The following AMY2B variants were observed in gnomAD, a reference collection of about 807,000 sequenced individuals.
AMY2B encodes the protein alpha-amylase 2B.
In AMY2B, 63 loss-of-function variants were observed where a neutral mutation model predicts 59.3. The observed-to-expected ratio is 1.06, with a 90% CI of 0.87 to 1.31. The LOEUF is 1.31. Ranked by LOEUF, AMY2B falls within the 50% of genes most tolerant of loss-of-function variation. The probability of loss-of-function intolerance (pLI) is 0.00; values close to 1 mark genes in which losing one functional copy is unlikely to be tolerated. For missense variants in AMY2B, 635 were observed against 626.7 expected (o/e 1.01, Z -0.14); for synonymous variants, 180 against 198.1 (o/e 0.91, Z 0.77).
chr1:103,565,777 C>G (rs1482983487), intron 2 of AMY2B, among the ~76,000 whole-genome samples: 1 of 152,120 alleles, frequency 6.6e-6, no homozygotes, highest in African/African-American at 2.4e-5. Flanking sequence ...TGGGAAGTGT[C>G]ATTCATTGGA....
intron 5 of AMY2B, 31 bp downstream of exon 5, chr1:103,574,424 T>G (rs199872830): frequency 6.2e-7 from 1 of 1,609,610 alleles, no homozygotes; most frequent in Non-Finnish European, 8.5e-7. Context: ...CCCTGAAGTA[T>G]TTCATAGATT....
At chr1:103,565,044 A>T (rs368974348) in intron 1 of AMY2B, 1 of 152,052 alleles carries the variant, frequency 6.6e-6, no homozygotes, top group Non-Finnish European at 1.5e-5. Flanking sequence ...CAAGTCTGTT[A>T]TATCTCCCCT....
At chr1:103,565,778 A>G (rs1203482581) in intron 2 of AMY2B, among the ~76,000 whole-genome samples, 2 of 152,158 alleles carry the variant, frequency 1.3e-5, no homozygotes, top group Non-Finnish European at 2.9e-5. Context: ...GGGAAGTGTC[A>G]TTCATTGGAT....
intron 1 of AMY2B, among the ~76,000 whole-genome samples, chr1:103,556,859 G>C (rs2101058451): frequency 6.6e-6 from 1 of 152,160 alleles, no homozygotes; most frequent in South Asian, 2.1e-4. Context: ...TTCCTTTTGT[G>C]AGTAATGGAA....
chr1:103,569,659 T>A, upstream of AMY2B: 1 of 388,552 alleles, frequency 2.6e-6, no homozygotes, highest in East Asian at 7.9e-5. Context: ...CCATCATCGG[T>A]GCCCCCGGCA....
chr1:103,571,851 G>A, intron 1 of AMY2B, 81 bp downstream of exon 1: 2 of 1,610,730 alleles, frequency 1.2e-6, no homozygotes, highest in South Asian at 2.2e-5. Flanking sequence ...GTGAAGCTTA[G>A]GCAACATTTT....
upstream of AMY2B, chr1:103,570,843 C>T (rs1474051657): frequency 1.7e-5 from 7 of 404,038 alleles, no homozygotes; most frequent in Non-Finnish European, 3.4e-5. Context: ...GATTGTAGAA[C>T]TTGTTCCTGA....
At chr1:103,566,273 C>T (rs899301982) in intron 2 of AMY2B, among the ~76,000 whole-genome samples, 4 of 152,142 alleles carry the variant, frequency 2.6e-5, no homozygotes, top group Non-Finnish European at 4.4e-5. Flanking sequence ...ATGTTCATAT[C>T]TTTCACTTTA....
Position 103,572,091 on chromosome 1 carries a change from A to C in AMY2B, c.169-19A>C, listed in dbSNP as rs1336029489. On this transcript the variant is annotated intron_variant, in intron 1 of 9. Coordinates refer to ENST00000684275, the MANE Select transcript of AMY2B (RefSeq NM_001387437.1). ...ATAGAGTAAGAATTTGGTAGTTATG[A>C]AGACTGTTTAATTTGTAGGTCTCTC... The C allele has an allele frequency of 6.2e-7, 1 of 1,611,498 alleles. No individual in the cohort carries two copies. The highest frequency in any genetic ancestry group is 1.3e-5 in the African/African-American group (1 of 74,840).
chr1:103,571,076 C>G, upstream of AMY2B: 1 of 746,532 alleles, frequency 1.3e-6, no homozygotes, highest in Non-Finnish European at 1.7e-6. Context: ...GGTAAGGGCT[C>G]CTTAACCAGT....
upstream of AMY2B, chr1:103,569,127 C>T (rs976883587): frequency 1.3e-5 from 2 of 152,046 alleles, no homozygotes; most frequent in Admixed American, 1.3e-4. Context: ...TTACCGCCCC[C>T]ATGATTCAAT....
Position 103,574,318 on chromosome 1 carries a change from T to A in AMY2B, c.803T>A (p.Val268Glu), listed in dbSNP as rs193276867. 17 of 1,611,746 alleles carry A rather than the reference T, an allele frequency of 1.1e-5. No homozygotes were observed. The highest frequency in any genetic ancestry group is 7.6e-6 in the Non-Finnish European group (9 of 1,179,728). The change falls in exon 5 of 10, where the codon GTG (valine) becomes GAG (glutamate). Residue 268 changes from valine to glutamate, a missense_variant. Transcript: ENST00000684275. ...KSSDYFGNGR[V>E]TEFKYGAKLG... Reference sequence around the variant, plus strand: ...AGTGACTACTTTGGAAATGGCCGGGTGACAGAATTCAAGTATGGTGCAAAA... The same window carrying A: ...AGTGACTACTTTGGAAATGGCCGGGAGACAGAATTCAAGTATGGTGCAAAA...
intron 7 of AMY2B, chr1:103,575,775 G>GC: frequency 1.5e-5 from 7 of 459,074 alleles, no homozygotes; most frequent in African/African-American, 2.1e-5. Context: ...CTAGCCCACA[G>GC]GAAAAAAAAA....
At position 103,574,261 on chromosome 1, in the gene AMY2B, T is replaced by A; in HGVS notation, c.746T>A (p.Val249Glu). Residue 249 changes from valine to glutamate, a missense_variant and splice_region_variant, in exon 5 of 10, where the codon GTA (valine) becomes GAA (glutamate). Val to Glu is a moderately radical substitution (Grantham distance 121, BLOSUM62 -2). Coordinates refer to ENST00000684275, the MANE Select transcript of AMY2B (RefSeq NM_001387437.1). The part of the protein sequence containing the change: ...AGSKPFIYQE[V>E]IDLGGEPIKS... The stretch of plus-strand genomic sequence containing the variant: ...TACTTTTTCCTAATTTTCTACTAGG[T>A]AATTGATCTGGGTGGTGAGCCAATT... The A allele has an allele frequency of 6.2e-7, 1 of 1,611,824 alleles. No homozygotes were observed. Among genetic ancestry groups the A allele is most frequent in the African/African-American group, 1.3e-5 (1 of 74,980 alleles).
upstream of AMY2B, chr1:103,570,914 G>A (rs1652103876): frequency 5.6e-6 from 2 of 354,396 alleles, no homozygotes; most frequent in Non-Finnish European, 1.1e-5. Flanking sequence ...TTTGATTTCA[G>A]TCTTTAGTAC....
At position 103,579,487 on chromosome 1, in the gene AMY2B, A is replaced by T. The variant is rs769549886; in HGVS notation, c.1523A>T (p.Glu508Val). The change falls in exon 10 of 10, where the codon GAA becomes GTA. Residue 508 changes from glutamate to valine, a missense_variant. Coordinates refer to ENST00000684275, the MANE Select transcript of AMY2B (RefSeq NM_001387437.1). ...AEDPFIAIHA[E>V]SKL is the part of the protein sequence containing the mutation. ...GATCCATTTATTGCAATTCATGCTG[A>T]ATCTAAATTATAAAATTTAAAATTA... 1.4e-5 allele frequency: 22 copies of T among 1,609,028 alleles called. No homozygotes were observed. Among genetic ancestry groups the T allele is most frequent in the Non-Finnish European group, 1.7e-5 (20 of 1,179,088 alleles).
chr1:103,570,469 G>A (rs948746183), upstream of AMY2B: 3 of 702,322 alleles, frequency 4.3e-6, no homozygotes, highest in South Asian at 1.3e-5. Flanking sequence ...ATGTACCCAG[G>A]CATCACCGAC....
At chr1:103,572,408 T>C (rs1309901590) in intron 2 of AMY2B, 152 bp downstream of exon 2, 1 of 1,407,576 alleles carries the variant, frequency 7.1e-7, no homozygotes, top group Non-Finnish European at 9.4e-7. Context: ...TTGCCTTATG[T>C]TCAGCTTTTG....
intron 9 of AMY2B, 88 bp downstream of exon 9, chr1:103,577,933 C>A: frequency 6.4e-7 from 1 of 1,573,924 alleles, no homozygotes; most frequent in East Asian, 2.2e-5. Flanking sequence ...TTTATCATAT[C>A]TGAAAAATCA....
Sources: allele counts gnomAD v4.1 joint callset (sites outside exome capture counted in the v4.1 genomes callset), GRCh38; gene constraint gnomAD v4.1.1; transcripts MANE v1.5; gene names NCBI Gene and HGNC (gene_info 2026-07-23, HGNC 2026-07-21).